The following GPC4 variants were observed in gnomAD, a reference collection of about 807,000 sequenced individuals.
GPC4 encodes glypican-4.
Under a neutral mutation model 35.0 loss-of-function variants are expected in GPC4, and 10 were observed. The observed-to-expected ratio is 0.29, with a 90% confidence interval of 0.18 to 0.48. GPC4 has a LOEUF of 0.48. Among genes scored for constraint, GPC4 ranks in the 20% least tolerant of loss-of-function variants. GPC4 has a pLI of 0.99. For missense variants in GPC4, 322 were observed against 451.3 expected, an observed-to-expected ratio of 0.71 and a Z score of 2.60; for synonymous variants, 167 against 170.2, an observed-to-expected ratio of 0.98 and a Z score of 0.15.
At chrX:133,369,184 G>A (rs912518894) in intron 1 of GPC4, among the ~76,000 whole-genome samples, 1 of 111,587 alleles carries the variant, frequency 9.0e-6, no homozygotes, top group African/African-American at 3.3e-5. Flanking sequence ...CTGTATGTTT[G>A]CTTTAAATCC....
chrX:133,354,272 T>G (rs1464153261), intron 1 of GPC4, among the ~76,000 whole-genome samples: 1 of 112,162 alleles, frequency 8.9e-6, no homozygotes, highest in East Asian at 2.8e-4. Flanking sequence ...TTACATAAGC[T>G]CCTAGTTTTT....
At chrX:133,358,906 GA>G (rs913220845) in intron 1 of GPC4, among the ~76,000 whole-genome samples, 11 of 106,591 alleles carry the variant, frequency 1.0e-4, no homozygotes, top group East Asian at 2.9e-4. Context: ...AGACATGAAT[GA>G]AAAAAAAAAT....
chrX:133,373,193 C>T (rs752736925), intron 1 of GPC4, among the ~76,000 whole-genome samples: 21 of 111,686 alleles, frequency 1.9e-4, no homozygotes, highest in Admixed American at 1.1e-3. Context: ...CTAAACCTTC[C>T]ATTTTCTTCC....
At chrX:133,358,818 G>A (rs1164414915) in intron 1 of GPC4, among the ~76,000 whole-genome samples, 2 of 110,842 alleles carry the variant, frequency 1.8e-5, no homozygotes, top group African/African-American at 6.6e-5. Flanking sequence ...TGTCAAATAG[G>A]TCTTCCTCTA....
At chrX:133,377,877 C>CTTTTTTTTTTCTTTTTTTTTTTTTTTTTT (rs2068641616) in intron 1 of GPC4, among the ~76,000 whole-genome samples, 1 of 86,192 alleles carries the variant, frequency 1.2e-5, no homozygotes, top group African/African-American at 4.4e-5. Context: ...TTTTCTTTTT[C>CTTTTTTTTTTCTTTTTTTTTTTTTTTTTT]TTTTTTTTTT....
In GPC4 at chrX:133,415,151, G is replaced by T; in HGVS notation, c.-186C>A. The T allele has an allele frequency of 2.3e-6, 1 of 441,730 alleles. No individual in the cohort carries two copies. Among genetic ancestry groups the T allele is most frequent in the Non-Finnish European group, 3.8e-6 (1 of 261,705 alleles). 36.4% of individuals were successfully genotyped at this position (441,730 alleles called of 1,213,427 possible). A position where few individuals can be genotyped will look rare whatever the true frequency, so the allele number is the denominator to read the frequency against. ...GGCGAAAAGTAGAGCTGGGCCTCGC[G>T]TCAGGCAACGGTCCCCGGTGCCAGG... On this transcript the variant is annotated 5_prime_UTR_variant, in exon 1 of 9. Transcript: ENST00000370828.
At chrX:133,306,641 C>T (rs1038428852) in intron 4 of GPC4, among the ~76,000 whole-genome samples, 2 of 112,021 alleles carry the variant, frequency 1.8e-5, no homozygotes, top group African/African-American at 6.5e-5. Context: ...AAACAAAACC[C>T]CTCAGATCCT....
intron 1 of GPC4, among the ~76,000 whole-genome samples, chrX:133,348,713 TC>T (rs1408785269): frequency 8.9e-6 from 1 of 112,523 alleles, no homozygotes; most frequent in East Asian, 2.8e-4. Context: ...TCTACGGATT[TC>T]ATACTCATTC....
At chrX:133,362,768 A>G (rs1205662379) in intron 1 of GPC4, among the ~76,000 whole-genome samples, 3 of 112,015 alleles carry the variant, frequency 2.7e-5, no homozygotes, top group Non-Finnish European at 3.8e-5. Context: ...GAAAACCTAC[A>G]CAATGATGAC....
At chrX:133,385,518 C>T (rs146109528) in intron 1 of GPC4, among the ~76,000 whole-genome samples, 11 of 111,930 alleles carry the variant, frequency 9.8e-5, no homozygotes, top group East Asian at 2.8e-4. Context: ...AGCATCTTCA[C>T]GTATATTATC....
intron 3 of GPC4, among the ~76,000 whole-genome samples, chrX:133,318,349 G>T (rs1005630738): frequency 8.9e-6 from 1 of 112,117 alleles, no homozygotes; most frequent in Non-Finnish European, 1.9e-5. Context: ...AGGCTTCTTG[G>T]TTTCCCACAG....
At position 133,394,047 on chromosome X, in the gene GPC4, G is replaced by A. The variant is rs951406924; in HGVS notation, c.160+20759C>T. 6.3e-5 allele frequency among the ~76,000 whole-genome samples: 7 copies of A among 111,180 alleles called. No individual in the cohort carries two copies. The Admixed American group carries it at 6.7e-4, about 11-fold the overall frequency. On this transcript the variant is annotated intron_variant, in intron 1 of 8. Coordinates refer to ENST00000370828, the MANE Select transcript of GPC4 (RefSeq NM_001448.3). ...GCACTTAGGGAGGCCAAGGTGGGCA[G>A]ATAACTTGAGGTCAGGAGTTGGAGA...
In GPC4 at chrX:133,303,310, C is replaced by T. The variant is rs753773859; in HGVS notation, c.1324G>A (p.Ala442Thr). The change falls in exon 8 of 9, where the codon GCC becomes ACC. Residue 442 changes from alanine (A) to threonine (T), a missense_variant. Physicochemically the swap from Ala to Thr is moderately conservative, Grantham distance 58 (BLOSUM62 0). Around this residue, in one of 3 missense-constraint regions of GPC4, gnomAD observed 99 missense variants for 110.0 expected, o/e 0.90. Transcript: ENST00000370828. ...ACCTCTGGGTTGTTGCCCTGGTTGG[C>T]TAATCCATTTCCTGTCACTGCAAAC... is the stretch of plus-strand genomic sequence containing the variant. ...YLFAVTGNGL[A>T]NQGNNPEVQV... The T allele has an allele frequency of 4.1e-5, 50 of 1,210,464 alleles. No homozygotes were observed. The highest frequency in any genetic ancestry group is 5.5e-5 in the Non-Finnish European group (49 of 894,834).
chrX:133,325,766 A>T (rs112225459), intron 2 of GPC4, among the ~76,000 whole-genome samples: 3,582 of 112,075 alleles, frequency 0.032, 154 homozygotes, highest in African/African-American at 0.11. Context: ...AGTTCTACAA[A>T]ACCATTCTCT....
At chrX:133,344,609 G>C (rs759311346) in intron 1 of GPC4, among the ~76,000 whole-genome samples, 4 of 111,475 alleles carry the variant, frequency 3.6e-5, no homozygotes, top group Non-Finnish European at 7.5e-5. Context: ...CCAAGAAAGT[G>C]TCTCTCCAAT....
intron 3 of GPC4, 143 bp downstream of exon 3, chrX:133,324,002 G>C (rs368321411): frequency 1.7e-5 from 9 of 529,616 alleles, no homozygotes; most frequent in African/African-American, 7.1e-5. Flanking sequence ...CAGTGTGTGG[G>C]AGAGAAGAGG....
intron 1 of GPC4, among the ~76,000 whole-genome samples, chrX:133,363,020 A>G (rs746992118): frequency 5.3e-5 from 6 of 112,257 alleles, no homozygotes; most frequent in Non-Finnish European, 1.1e-4. Context: ...GAGAGCTGGG[A>G]ATGCCATGGC....
rs1255079762 is a variant in GPC4, at chrX:133,305,788, G to C, written c.1139C>G (p.Thr380Ser). 1 of 1,211,931 alleles carries C rather than the reference G, an allele frequency of 8.3e-7. No individual in the cohort carries two copies. ...AACGCTCACCAGTCGGTCCAAACTAGTGCCAGCTGCTGTGGTTGGGCGTTC... is the reference window on the plus strand; with the variant it reads ...AACGCTCACCAGTCGGTCCAAACTACTGCCAGCTGCTGTGGTTGGGCGTTC... ...PEERPTTAAG[T>S]SLDRLVTDVK... is the part of the protein sequence containing the mutation. The change falls in exon 6 of 9, where the codon ACT (threonine) becomes AGT (serine). Residue 380 changes from threonine (T) to serine (S), a missense_variant. This residue lies in a region of GPC4 where 163 missense variants were observed against 277.2 expected (regional missense o/e 0.59). Coordinates refer to ENST00000370828, the MANE Select transcript of GPC4 (RefSeq NM_001448.3).
At chrX:133,304,367 G>C (rs1311909484) in intron 7 of GPC4, among the ~76,000 whole-genome samples, 1 of 111,646 alleles carries the variant, frequency 9.0e-6, no homozygotes, top group Non-Finnish European at 1.9e-5. Context: ...AGGGACACAG[G>C]GCATCAAGTC....
Sources: gnomAD v4.1 joint callset for allele counts (sites outside exome capture counted in the v4.1 genomes callset) on GRCh38, gnomAD v4.1.1 for gene constraint, gnomAD v4.1.1 regional missense constraint, MANE v1.5 for transcripts, NCBI Gene and HGNC (gene_info 2026-07-23, HGNC 2026-07-21) for gene names.